The following JAM2 variants were observed in gnomAD, a reference collection of about 807,000 sequenced individuals.
JAM2 encodes junctional adhesion molecule B.
JAM2 carries 17 observed loss-of-function variants against 42.0 expected under a neutral mutation model. That is an observed-to-expected ratio of 0.40 (90% CI 0.28 to 0.61). The LOEUF (loss-of-function observed/expected upper bound fraction) is 0.61. Ranked by LOEUF, JAM2 falls within the 20% of genes least tolerant of loss-of-function variation. The probability of loss-of-function intolerance (pLI) is 0.37; values close to 1 mark genes in which losing one functional copy is unlikely to be tolerated. For missense variants in JAM2, 319 were observed against 358.3 expected (o/e 0.89, Z 0.89); for synonymous variants, 118 against 128.6 (o/e 0.92, Z 0.56).
intron 1 of JAM2, among the ~76,000 whole-genome samples, chr21:25,655,786 G>A (rs535360253): frequency 7.6e-4 from 114 of 150,412 alleles, no homozygotes; most frequent in Admixed American, 1.3e-3. Context: ...GTGAGCCACC[G>A]TGCCCAGTCG....
chr21:25,702,371 T>G, intron 6 of JAM2, 102 bp downstream of exon 6: 1 of 592,660 alleles, frequency 1.7e-6, no homozygotes, highest in South Asian at 3.0e-5. Flanking sequence ...TCTGAGTGAC[T>G]TGAAGAATAA....
chr21:25,652,819 C>T (rs1249847807), intron 1 of JAM2, among the ~76,000 whole-genome samples: 1 of 152,138 alleles, frequency 6.6e-6, no homozygotes, highest in African/African-American at 2.4e-5. Context: ...TAAAAAGGCC[C>T]AGAAGACATC....
chr21:25,646,358 T>G (rs2032611034), intron 1 of JAM2, among the ~76,000 whole-genome samples: 1 of 152,246 alleles, frequency 6.6e-6, no homozygotes, highest in Non-Finnish European at 1.5e-5. Flanking sequence ...CCTATAAACA[T>G]GAAACAGTAG....
chr21:25,655,606 G>A (rs1178983355), intron 1 of JAM2, among the ~76,000 whole-genome samples: 1 of 145,794 alleles, frequency 6.9e-6, no homozygotes, highest in South Asian at 2.2e-4. Flanking sequence ...TCAGCCTCCC[G>A]AGTAGCTGGG....
chr21:25,639,776 C>G lies in JAM2; in HGVS notation c.-46C>G, dbSNP rs118115569. ...CCCCGGCCTCCTGCGCTCCTGCCGCCGGGACCCTCGACCTCCTCAGAGCAG... is the reference window on the plus strand; with the variant it reads ...CCCCGGCCTCCTGCGCTCCTGCCGCGGGGACCCTCGACCTCCTCAGAGCAG... On this transcript the variant is annotated 5_prime_UTR_variant, in exon 1 of 10. Transcript: ENST00000480456. 1.4e-6 allele frequency: 2 copies of G among 1,426,610 alleles called. No individual in the cohort carries two copies. Among genetic ancestry groups the G allele is most frequent in the Non-Finnish European group, 1.9e-6 (2 of 1,049,036 alleles). The allele number at this position is 1,426,610 out of a possible 1,614,324, so 88.4% of individuals were successfully genotyped here.
At position 25,717,199 on chromosome 21, in the gene JAM2, T is replaced by C. The variant is rs113662114; in HGVS notation, c.*2527T>C. 1 of 153,198 alleles carries C rather than the reference T, an allele frequency of 6.5e-6. No individual in the cohort carries two copies. Among genetic ancestry groups the C allele is most frequent in the African/African-American group, 2.4e-5 (1 of 41,468 alleles). The allele number at this position is 153,198 out of a possible 1,614,324, so 9.5% of individuals were successfully genotyped here. ...CAAAGGGCAGAGTATTGAGCACTAATTTCCTATTAAAAGTATATATATGTA... is the reference window on the plus strand; with the variant it reads ...CAAAGGGCAGAGTATTGAGCACTAACTTCCTATTAAAAGTATATATATGTA... On this transcript the variant is annotated 3_prime_UTR_variant, in exon 10 of 10. Transcript: ENST00000480456.
rs139845240 is a variant in JAM2, at chr21:25,654,790, C to G, written c.67+14902C>G. ...CTTTCATTACAGAAGGATAGATGCA[C>G]AAATTAAATGACACCACAAGGTAGC... On this transcript the variant is annotated intron_variant, in intron 1 of 9. Coordinates refer to ENST00000480456, the MANE Select transcript of JAM2 (RefSeq NM_021219.4). 8.8e-4 allele frequency among the ~76,000 whole-genome samples: 134 copies of G among 152,090 alleles called. 1 individual carries two copies. The highest frequency in any genetic ancestry group is 3.0e-3 in the African/African-American group (126 of 41,502).
chr21:25,650,011 G>T (rs1303542496), intron 1 of JAM2, among the ~76,000 whole-genome samples: 3 of 152,178 alleles, frequency 2.0e-5, no homozygotes, highest in Non-Finnish European at 4.4e-5. Flanking sequence ...TACTAATCTA[G>T]TCCCATGAGA....
At chr21:25,660,290 A>T (rs1046037314) in intron 1 of JAM2, among the ~76,000 whole-genome samples, 2 of 152,202 alleles carry the variant, frequency 1.3e-5, no homozygotes, top group African/African-American at 4.8e-5. Flanking sequence ...TTTTACTTTT[A>T]AAAAATTACC....
chr21:25,642,755 G>T (rs926642122), intron 1 of JAM2, among the ~76,000 whole-genome samples: 26 of 152,350 alleles, frequency 1.7e-4, no homozygotes, highest in African/African-American at 6.0e-4. Context: ...GCTGAGCAAA[G>T]TTCCTGGTTA....
chr21:25,649,158 G>A (rs2032698358), intron 1 of JAM2, among the ~76,000 whole-genome samples: 1 of 152,146 alleles, frequency 6.6e-6, no homozygotes, highest in Non-Finnish European at 1.5e-5. Flanking sequence ...AAACTCAGAT[G>A]AGTCAAACAA....
At chr21:25,691,516 C>T (rs552004126) in intron 3 of JAM2, among the ~76,000 whole-genome samples, 7 of 152,264 alleles carry the variant, frequency 4.6e-5, no homozygotes, top group South Asian at 2.1e-4. Context: ...GCCACCACAC[C>T]GGGTGCAAAA....
chr21:25,675,429 G>A (rs754334384), intron 1 of JAM2, among the ~76,000 whole-genome samples: 2 of 152,084 alleles, frequency 1.3e-5, no homozygotes, highest in Non-Finnish European at 2.9e-5. Context: ...CCGGGAAGCA[G>A]AGGTTGCAGT....
At chr21:25,659,994 T>C (rs2033035579) in intron 1 of JAM2, among the ~76,000 whole-genome samples, 1 of 151,958 alleles carries the variant, frequency 6.6e-6, no homozygotes, top group Non-Finnish European at 1.5e-5. Context: ...CTCGGCTCAC[T>C]GCAACCTCTG....
chr21:25,678,526 T>C (rs1230288862), intron 1 of JAM2, among the ~76,000 whole-genome samples: 1 of 152,322 alleles, frequency 6.6e-6, no homozygotes, highest in East Asian at 1.9e-4. Flanking sequence ...ACCCCTTTCA[T>C]GGTTCTTGAA....
At chr21:25,650,310 G>A (rs904205366) in intron 1 of JAM2, among the ~76,000 whole-genome samples, 4 of 152,166 alleles carry the variant, frequency 2.6e-5, no homozygotes, top group African/African-American at 9.7e-5. Flanking sequence ...TGCAGTTTTA[G>A]CCGTTACTTT....
At chr21:25,655,350 ATTTTTTTTTTT>A (rs751257378) in intron 1 of JAM2, among the ~76,000 whole-genome samples, 6 of 100,238 alleles carry the variant, frequency 6.0e-5, no homozygotes, top group Non-Finnish European at 9.8e-5. Flanking sequence ...CTGAAATTCT[ATTTTTTTTTTT>A]TTTTTTTTTT....
intron 1 of JAM2, among the ~76,000 whole-genome samples, chr21:25,678,170 G>A (rs1601024376): frequency 1.3e-5 from 2 of 152,192 alleles, no homozygotes; most frequent in African/African-American, 4.8e-5. Context: ...AGGTTGCAGT[G>A]AGCCGAGATT....
rs1362380481 is a variant in JAM2, at chr21:25,716,277, T to C, written c.*1605T>C. The C allele has an allele frequency of 3.3e-5, 5 of 152,320 alleles. No homozygotes were observed. Among genetic ancestry groups the C allele is most frequent in the African/African-American group, 1.2e-4 (5 of 41,466 alleles). 9.4% of individuals were successfully genotyped at this position (152,320 alleles called of 1,614,324 possible). On this transcript the variant is annotated 3_prime_UTR_variant, in exon 10 of 10. Transcript: ENST00000480456. Reference sequence around the variant, plus strand: ...TCCCAAAGTGCTGGGATTATAGGCATGAGCCACTGCACTGGGCAGGTTAAT... The same window carrying C: ...TCCCAAAGTGCTGGGATTATAGGCACGAGCCACTGCACTGGGCAGGTTAAT...
Sources: gnomAD v4.1 joint callset for allele counts (sites outside exome capture counted in the v4.1 genomes callset) on GRCh38, gnomAD v4.1.1 for gene constraint, MANE v1.5 for transcripts, NCBI Gene and HGNC (gene_info 2026-07-23, HGNC 2026-07-21) for gene names.